The following FRMD3 variants were observed in gnomAD, a reference collection of about 807,000 sequenced individuals.
FRMD3 encodes FERM domain containing 3, also known as FERM domain-containing protein 3.
Under a neutral mutation model 70.2 loss-of-function variants are expected in FRMD3, and 33 were observed. The observed-to-expected ratio is 0.47, with a 90% CI of 0.36 to 0.63. The LOEUF (loss-of-function observed/expected upper bound fraction) is 0.63. Ranked by LOEUF, FRMD3 falls within the 20% of genes least tolerant of loss-of-function variation. The pLI is 0.00. For synonymous variants in FRMD3, 279 were observed against 255.9 expected (o/e 1.09, Z -0.86); for missense variants, 632 against 711.4 (o/e 0.89, Z 1.27).
chr9:83,419,788 C>A lies in FRMD3; in HGVS notation c.148-30080G>T, dbSNP rs112274502. Among the ~76,000 whole-genome samples the A allele has an allele frequency of 4.5e-3, 686 of 152,240 alleles. 3 individuals are homozygous for A. Among genetic ancestry groups the A allele is most frequent in the African/African-American group, 0.016 (646 of 41,534 alleles). On this transcript the variant is annotated intron_variant, in intron 1 of 13. Coordinates refer to ENST00000304195, the MANE Select transcript of FRMD3 (RefSeq NM_174938.6). The stretch of plus-strand genomic sequence containing the variant: ...TGTGTTCACCTAATTCTAACAAAAA[C>A]CAAATCAACAACCCTAACTCTATAC...
chr9:83,578,875 A>C, the FRMD3 span, among the ~76,000 whole-genome samples: 1 of 151,994 alleles, frequency 6.6e-6, no homozygotes, highest in Non-Finnish European at 1.5e-5. Context: ...AAAAAAGTAA[A>C]ATTTTCTCTG....
chr9:83,297,078 TA>T (rs960948836), intron 12 of FRMD3, among the ~76,000 whole-genome samples: 2 of 152,174 alleles, frequency 1.3e-5, no homozygotes, highest in Admixed American at 6.5e-5. Flanking sequence ...GAGAAGCATT[TA>T]AAAAAATTCT....
chr9:83,551,481 T>C, the FRMD3 span, among the ~76,000 whole-genome samples: 1 of 152,198 alleles, frequency 6.6e-6, no homozygotes, highest in African/African-American at 2.4e-5. Flanking sequence ...AAAATGACAC[T>C]GGCCTCACAG....
At chr9:83,500,434 A>G (rs1444466304) in intron 1 of FRMD3, among the ~76,000 whole-genome samples, 1 of 151,826 alleles carries the variant, frequency 6.6e-6, no homozygotes, top group Admixed American at 6.6e-5. Flanking sequence ...ATCATCTTGA[A>G]TATCCATTTC....
chr9:83,533,490 G>A (rs957209991), intron 1 of FRMD3, among the ~76,000 whole-genome samples: 11 of 152,120 alleles, frequency 7.2e-5, no homozygotes, highest in Admixed American at 5.9e-4. Context: ...GACTCCAAAT[G>A]TCAAATGACT....
chr9:83,273,439 G>T (rs4615658), intron 13 of FRMD3, among the ~76,000 whole-genome samples: 1 of 150,442 alleles, frequency 6.6e-6, no homozygotes, highest in Admixed American at 6.6e-5. Flanking sequence ...GCAGCATACT[G>T]GTTAAGAGTC....
intron 6 of FRMD3, among the ~76,000 whole-genome samples, chr9:83,315,242 A>C (rs1388440124): frequency 6.6e-6 from 1 of 152,036 alleles, no homozygotes; most frequent in African/African-American, 2.4e-5. Flanking sequence ...GTCATTTTGT[A>C]TGCTGACTCA....
chr9:83,290,489 C>T (rs2118972640), intron 13 of FRMD3, 114 bp downstream of exon 13: 2 of 1,174,046 alleles, frequency 1.7e-6, no homozygotes, highest in Non-Finnish European at 2.5e-6. Flanking sequence ...AGTTTATGGC[C>T]CACTCCACCC....
intron 1 of FRMD3, among the ~76,000 whole-genome samples, chr9:83,493,745 A>G (rs1266666808): frequency 6.6e-6 from 1 of 152,208 alleles, no homozygotes; most frequent in African/African-American, 2.4e-5. Context: ...CTCAAGGATC[A>G]GATCGCATAG....
At chr9:83,465,429 T>TAATA (rs779092338) in intron 1 of FRMD3, among the ~76,000 whole-genome samples, 9 of 152,158 alleles carry the variant, frequency 5.9e-5, no homozygotes, top group Non-Finnish European at 1.0e-4. Flanking sequence ...TGTATCTTGT[T>TAATA]AATAAATAAA....
At chr9:83,380,866 C>T (rs1398354850) in intron 2 of FRMD3, among the ~76,000 whole-genome samples, 1 of 152,112 alleles carries the variant, frequency 6.6e-6, no homozygotes, top group African/African-American at 2.4e-5. Flanking sequence ...AGAATGAATG[C>T]ACTTCCCCAG....
chr9:83,349,874 G>C, intron 3 of FRMD3, 117 bp from the exon 4 acceptor site: 2 of 654,982 alleles, frequency 3.1e-6, no homozygotes, highest in Non-Finnish European at 5.3e-6. Context: ...GGGGCCAGGA[G>C]GGGGTGATTG....
intron 1 of FRMD3, among the ~76,000 whole-genome samples, chr9:83,409,452 A>G (rs1826218626): frequency 6.6e-6 from 1 of 152,056 alleles, no homozygotes; most frequent in East Asian, 1.9e-4. Flanking sequence ...AACAAACAAA[A>G]AACCACTCCA....
intron 1 of FRMD3, among the ~76,000 whole-genome samples, chr9:83,449,624 T>C (rs962804776): frequency 3.9e-5 from 6 of 152,210 alleles, no homozygotes; most frequent in African/African-American, 1.4e-4. Context: ...GCACCCCTGC[T>C]CAGGCCCTTC....
At chr9:83,512,076 A>C (rs746796624) in intron 1 of FRMD3, among the ~76,000 whole-genome samples, 15 of 152,160 alleles carry the variant, frequency 9.9e-5, no homozygotes, top group Non-Finnish European at 2.1e-4. Flanking sequence ...TCTGGGACTC[A>C]TTTTCCACAC....
At chr9:83,378,450 ATATATATATAATATACATATAAAATT>A (rs869145772) in intron 2 of FRMD3, among the ~76,000 whole-genome samples, 11,575 of 116,664 alleles carry the variant, frequency 0.099, 470 homozygotes, top group Non-Finnish European at 0.14. Flanking sequence ...GCTAATTTAT[ATATATATATAATATACATATAAAATT>A]TATATATATA....
intron 1 of FRMD3, among the ~76,000 whole-genome samples, chr9:83,489,557 G>T (rs1828768892): frequency 6.6e-6 from 1 of 151,950 alleles, no homozygotes; most frequent in Non-Finnish European, 1.5e-5. Context: ...CCACAATGAG[G>T]ATACCATCTC....
intron 1 of FRMD3, among the ~76,000 whole-genome samples, chr9:83,454,960 C>CAA (rs11453888): frequency 4.6e-4 from 69 of 150,964 alleles, no homozygotes; most frequent in East Asian, 1.8e-3. Context: ...GATCCTGTCT[C>CAA]AAAAAAAAAT....
rs142272516 is a variant in FRMD3, at chr9:83,536,930, T to TAAAAAAAAAAAAAAAAAAAAAAA, written c.147+1132_147+1154dup. ...ATGGGTGGTGTGCCCTGTATTACAC[T>TAAAAAAAAAAAAAAAAAAAAAAA]AAAAAAAAAAAAAAAAAAAAAAAGC... On this transcript the variant is annotated intron_variant, in intron 1 of 13. Coordinates refer to ENST00000304195, the MANE Select transcript of FRMD3 (RefSeq NM_174938.6). Among the ~76,000 whole-genome samples, 11 of 60,898 alleles carry TAAAAAAAAAAAAAAAAAAAAAAA rather than the reference T, an allele frequency of 1.8e-4. 1 individual carries two copies. The highest frequency in any genetic ancestry group is 5.1e-4 in the East Asian group (1 of 1,942). The allele number at this position is 60,898 out of a possible 152,430, so 40.0% of individuals were successfully genotyped here.
Sources: gnomAD v4.1 joint callset for allele counts (sites outside exome capture counted in the v4.1 genomes callset) on GRCh38, gnomAD v4.1.1 for gene constraint, MANE v1.5 for transcripts, NCBI Gene and HGNC (gene_info 2026-07-23, HGNC 2026-07-21) for gene names.